MCTP1: variants seen among roughly 807,000 people sequenced by gnomAD.
MCTP1 encodes multiple C2 and transmembrane domain-containing protein 1.
In MCTP1, 69 loss-of-function variants were observed where a neutral mutation model predicts 120.6. The ratio of observed to expected loss-of-function variants is 0.57; its 90% CI spans 0.47 to 0.70. MCTP1 has a LOEUF of 0.70. Ranked by LOEUF, MCTP1 falls within the 30% of genes least tolerant of loss-of-function variation. MCTP1 has a pLI of 0.00. For synonymous variants in MCTP1, 529 were observed against 493.1 expected (o/e 1.07, Z -0.96); for missense variants, 1,203 against 1,248.8 (o/e 0.96, Z 0.55).
chr5:94,950,463 C>T (rs1032533938), intron 3 of MCTP1, among the ~76,000 whole-genome samples: 1 of 151,964 alleles, frequency 6.6e-6, no homozygotes, highest in Non-Finnish European at 1.5e-5. Flanking sequence ...AGCCTTCTGG[C>T]CTGCATACAG....
chr5:94,924,432 T>C (rs1188986675), intron 6 of MCTP1, among the ~76,000 whole-genome samples: 1 of 152,192 alleles, frequency 6.6e-6, no homozygotes, highest in Non-Finnish European at 1.5e-5. Context: ...GAAGTCTTAT[T>C]TATAAACATG....
intron 1 of MCTP1, among the ~76,000 whole-genome samples, chr5:95,040,344 A>G (rs1054999185): frequency 6.6e-6 from 1 of 151,912 alleles, no homozygotes; most frequent in Admixed American, 6.6e-5. Flanking sequence ...AGACTGAGAC[A>G]CCAGAATCGC....
At chr5:94,855,247 A>T (rs1200617849) in intron 17 of MCTP1, among the ~76,000 whole-genome samples, 2 of 151,860 alleles carry the variant, frequency 1.3e-5, no homozygotes, top group Non-Finnish European at 2.9e-5. Context: ...ACTAAATTAC[A>T]GATAAAGTTA....
chr5:95,061,408 G>GTTGTTTTTTTTTTTTTTTTTTTT lies in MCTP1; in HGVS notation c.721-43925_721-43924insAAAAAAAAAAAAAAAAAAAACAA, dbSNP rs1749067994. On this transcript the variant is annotated intron_variant, in intron 1 of 22. Transcript: ENST00000515393. ...ATCAATTTTCACAAACCCCTTAAGG[G>GTTGTTTTTTTTTTTTTTTTTTTT]TTTTTTTTTTTTTTTTTTTTTTTTT... Among the ~76,000 whole-genome samples the GTTGTTTTTTTTTTTTTTTTTTTT allele has an allele frequency of 3.3e-4, 11 of 33,486 alleles. 3 individuals are homozygous for GTTGTTTTTTTTTTTTTTTTTTTT. Among genetic ancestry groups the GTTGTTTTTTTTTTTTTTTTTTTT allele is most frequent in the Non-Finnish European group, 5.0e-4 (8 of 16,076 alleles). 22.0% of individuals were successfully genotyped at this position (33,486 alleles called of 152,430 possible).
At chr5:95,005,015 C>T (rs1439713846) in intron 2 of MCTP1, among the ~76,000 whole-genome samples, 1 of 152,192 alleles carries the variant, frequency 6.6e-6, no homozygotes, top group East Asian at 1.9e-4. Flanking sequence ...GGGGTCTGTA[C>T]CCTGAAGAGC....
chr5:95,204,862 G>T (rs916851457), intron 1 of MCTP1, among the ~76,000 whole-genome samples: 1 of 151,928 alleles, frequency 6.6e-6, no homozygotes, highest in Non-Finnish European at 1.5e-5. Context: ...AAATTATGAA[G>T]ATAAATAGAA....
At chr5:94,851,853 A>G (rs1406569591) in intron 17 of MCTP1, among the ~76,000 whole-genome samples, 1 of 151,858 alleles carries the variant, frequency 6.6e-6, no homozygotes, top group Non-Finnish European at 1.5e-5. Context: ...AATAGAATCC[A>G]TATGTTTAGA....
intron 1 of MCTP1, among the ~76,000 whole-genome samples, chr5:95,145,343 G>C (rs1013867170): frequency 6.6e-6 from 1 of 151,994 alleles, no homozygotes; most frequent in East Asian, 1.9e-4. Context: ...ATTCAGCAGA[G>C]GGAGATACTT....
intron 19 of MCTP1, among the ~76,000 whole-genome samples, chr5:94,770,389 C>A (rs1182780095): frequency 6.6e-6 from 1 of 152,140 alleles, no homozygotes; most frequent in Non-Finnish European, 1.5e-5. Context: ...AACTAGCTTT[C>A]CAGAGGACTT....
intron 1 of MCTP1, among the ~76,000 whole-genome samples, chr5:95,115,700 A>G (rs1757776835): frequency 6.6e-6 from 1 of 152,156 alleles, no homozygotes; most frequent in Non-Finnish European, 1.5e-5. Flanking sequence ...CGAGAAAGAG[A>G]TAGAGGTAGA....
chr5:94,902,248 G>A (rs977235478), intron 10 of MCTP1, among the ~76,000 whole-genome samples: 2 of 152,224 alleles, frequency 1.3e-5, no homozygotes, highest in African/African-American at 2.4e-5. Context: ...CTGCCGAGCC[G>A]ACACTTCTAC....
intron 1 of MCTP1, among the ~76,000 whole-genome samples, chr5:95,059,408 C>T (rs150517763): frequency 6.6e-6 from 1 of 152,094 alleles, no homozygotes; most frequent in East Asian, 1.9e-4. Context: ...AACGGGACTA[C>T]TAGAGTGGGG....
intron 1 of MCTP1, among the ~76,000 whole-genome samples, chr5:95,246,141 A>C (rs1464621333): frequency 6.6e-6 from 1 of 152,204 alleles, no homozygotes; most frequent in Non-Finnish European, 1.5e-5. Flanking sequence ...AGATTTTGTC[A>C]ACACCAGGCC....
At chr5:95,187,980 C>A (rs1184598527) in intron 1 of MCTP1, among the ~76,000 whole-genome samples, 2 of 151,984 alleles carry the variant, frequency 1.3e-5, no homozygotes, top group Non-Finnish European at 2.9e-5. Flanking sequence ...GTCTCATGTA[C>A]CCCATAGATA....
At chr5:95,164,173 C>G (rs1746060269) in intron 1 of MCTP1, among the ~76,000 whole-genome samples, 1 of 151,992 alleles carries the variant, frequency 6.6e-6, no homozygotes, top group East Asian at 1.9e-4. Context: ...AGGTTTTTTC[C>G]TTTATCTTCA....
chr5:95,069,960 C>A lies in MCTP1; in HGVS notation c.721-52476G>T, dbSNP rs911990654. On this transcript the variant is annotated intron_variant, in intron 1 of 22. Transcript: ENST00000515393. ...CCTTGTGATCCACCCACCTCAGCCT[C>A]CCAAAGTGCTGGGATTACAAGCGAG... Among the ~76,000 whole-genome samples, 21 of 152,264 alleles carry A rather than the reference C, an allele frequency of 1.4e-4. 1 individual carries two copies. The South Asian group carries it at 3.5e-3, about 26-fold the overall frequency.
chr5:94,741,373 G>C (rs1765496077), intron 19 of MCTP1, among the ~76,000 whole-genome samples: 1 of 152,152 alleles, frequency 6.6e-6, no homozygotes, highest in Non-Finnish European at 1.5e-5. Flanking sequence ...TTCCTTCTTA[G>C]ACTAAACAAT....
At chr5:95,030,508 A>G (rs958529187) in intron 1 of MCTP1, among the ~76,000 whole-genome samples, 2 of 152,198 alleles carry the variant, frequency 1.3e-5, no homozygotes, top group Non-Finnish European at 2.9e-5. Flanking sequence ...CCAATACACC[A>G]GTACAACAAG....
At chr5:94,824,518 C>A (rs1487698077) in intron 17 of MCTP1, among the ~76,000 whole-genome samples, 1 of 152,130 alleles carries the variant, frequency 6.6e-6, no homozygotes, top group African/African-American at 2.4e-5. Context: ...GTGTCTCTGC[C>A]AGGTTTTGGT....
Sources: allele counts gnomAD v4.1 joint callset (sites outside exome capture counted in the v4.1 genomes callset), GRCh38; gene constraint gnomAD v4.1.1; transcripts MANE v1.5; gene names NCBI Gene and HGNC (gene_info 2026-07-23, HGNC 2026-07-21).